The following KIAA2012 variants were observed in gnomAD, a reference collection of about 807,000 sequenced individuals.
The protein encoded by KIAA2012 is uncharacterized protein KIAA2012.
Under a neutral mutation model 150.6 loss-of-function variants are expected in KIAA2012, and 125 were observed. The ratio of observed to expected loss-of-function variants is 0.83; its 90% confidence interval spans 0.72 to 0.96. KIAA2012 has a LOEUF of 0.96. KIAA2012 is among the 40% of genes least tolerant of loss of function. KIAA2012 has a pLI of 0.00. For missense variants in KIAA2012, 1,219 were observed against 1,354.9 expected (o/e 0.90, Z 1.57); for synonymous variants, 462 against 504.7 (o/e 0.92, Z 1.13).
At position 202,126,413 on chromosome 2, in the gene KIAA2012, C is replaced by T. The variant is rs138946491; in HGVS notation, c.1831+1131C>T. Among the ~76,000 whole-genome samples, 366 of 152,328 alleles carry T rather than the reference C, an allele frequency of 2.4e-3. 2 individuals carry two copies. Among genetic ancestry groups the T allele is most frequent in the African/African-American group, 8.0e-3 (334 of 41,568 alleles). ...TGCAAAACTAAGAGAAAAGTCACAACTGTATCCTTGCCAATCTCAAAATCT... is the reference window on the plus strand; with the variant it reads ...TGCAAAACTAAGAGAAAAGTCACAATTGTATCCTTGCCAATCTCAAAATCT... On this transcript the variant is annotated intron_variant, in intron 12 of 23. Coordinates refer to ENST00000498697, the MANE Select transcript of KIAA2012 (RefSeq NM_001277372.4).
At chr2:202,102,739 C>T (rs961866510) in intron 7 of KIAA2012, among the ~76,000 whole-genome samples, 1 of 152,136 alleles carries the variant, frequency 6.6e-6, no homozygotes, top group Non-Finnish European at 1.5e-5. Context: ...TCAGAGGATT[C>T]ACAGGCAGGA....
At chr2:202,101,904 CT>C (rs945499979) in intron 7 of KIAA2012, among the ~76,000 whole-genome samples, 2 of 151,542 alleles carry the variant, frequency 1.3e-5, no homozygotes, top group Non-Finnish European at 1.5e-5. Flanking sequence ...TGCTTCTGAT[CT>C]TTTTTTTTCT....
chr2:202,079,007 C>G (rs938787002), intron 2 of KIAA2012, among the ~76,000 whole-genome samples: 1 of 152,124 alleles, frequency 6.6e-6, no homozygotes, highest in African/African-American at 2.4e-5. Flanking sequence ...ACCAGCCTGG[C>G]TAACATGGTG....
chr2:202,086,427 C>T (rs1161842481), intron 2 of KIAA2012, among the ~76,000 whole-genome samples: 1 of 152,128 alleles, frequency 6.6e-6, no homozygotes. Context: ...CAACACAGTG[C>T]CTGGAATATA....
At chr2:202,179,785 A>G in intron 15 of KIAA2012, 24 of 627,876 alleles carry the variant, frequency 3.8e-5, no homozygotes, top group South Asian at 3.3e-4. Flanking sequence ...AGCAGTGGGA[A>G]AGAACTATGT....
chr2:202,163,295 G>A (rs1311463526), intron 14 of KIAA2012, among the ~76,000 whole-genome samples: 1 of 151,710 alleles, frequency 6.6e-6, no homozygotes, highest in Non-Finnish European at 1.5e-5. Context: ...GTAGATACAG[G>A]TTTTGATCAT....
chr2:202,146,164 T>C (rs556378932), intron 13 of KIAA2012, among the ~76,000 whole-genome samples: 18 of 152,256 alleles, frequency 1.2e-4, no homozygotes, highest in African/African-American at 4.3e-4. Flanking sequence ...AACCGCACTT[T>C]AAAGAGGCCT....
At chr2:202,192,232 C>T (rs1239557982) in intron 19 of KIAA2012, among the ~76,000 whole-genome samples, 1 of 152,132 alleles carries the variant, frequency 6.6e-6, no homozygotes, top group Non-Finnish European at 1.5e-5. Flanking sequence ...AAGCAAGGAG[C>T]TTTTTCTCTG....
intron 9 of KIAA2012, among the ~76,000 whole-genome samples, chr2:202,106,821 T>C (rs895592404): frequency 6.6e-6 from 1 of 152,152 alleles, no homozygotes; most frequent in Non-Finnish European, 1.5e-5. Context: ...GTTGGATAGG[T>C]TGGAAGTAAC....
At chr2:202,093,437 G>A (rs1449733476) in intron 4 of KIAA2012, among the ~76,000 whole-genome samples, 7 of 152,188 alleles carry the variant, frequency 4.6e-5, no homozygotes, top group African/African-American at 1.4e-4. Flanking sequence ...AAATGTAGCA[G>A]TACAACAGTG....
At chr2:202,149,851 T>C (rs1451479400) in intron 13 of KIAA2012, among the ~76,000 whole-genome samples, 2 of 152,098 alleles carry the variant, frequency 1.3e-5, no homozygotes, top group African/African-American at 4.8e-5. Context: ...ATATAACAGT[T>C]GAAAGGAGGA....
At chr2:202,176,601 A>T (rs1417675492) in intron 15 of KIAA2012, among the ~76,000 whole-genome samples, 1 of 152,244 alleles carries the variant, frequency 6.6e-6, no homozygotes, top group Non-Finnish European at 1.5e-5. Context: ...TGTAACCAAC[A>T]AAGCATTAGT....
intron 23 of KIAA2012, among the ~76,000 whole-genome samples, chr2:202,203,293 AATAT>A (rs972759687): frequency 2.0e-5 from 3 of 152,336 alleles, no homozygotes; most frequent in Non-Finnish European, 4.4e-5. Flanking sequence ...TATATATTCA[AATAT>A]ATAAAGAATT....
At chr2:202,155,888 G>A (rs1175741813) in intron 14 of KIAA2012, among the ~76,000 whole-genome samples, 2 of 152,294 alleles carry the variant, frequency 1.3e-5, no homozygotes, top group African/African-American at 4.8e-5. Flanking sequence ...TTCCCCAAGG[G>A]TGGCAAGTTG....
chr2:202,101,030 G>T (rs986664125), intron 7 of KIAA2012, among the ~76,000 whole-genome samples: 1 of 152,142 alleles, frequency 6.6e-6, no homozygotes, highest in South Asian at 2.1e-4. Context: ...GACAAGCAAG[G>T]GCCCCCGGAT....
At chr2:202,091,066 T>C (rs1210598618) in intron 3 of KIAA2012, 137 bp downstream of exon 3, 6 of 1,170,224 alleles carry the variant, frequency 5.1e-6, no homozygotes, top group Middle Eastern at 3.0e-4. Flanking sequence ...TCCCCACGCT[T>C]GGTAGCCCAC....
chr2:202,097,776 G>A (rs1689930910), intron 5 of KIAA2012, among the ~76,000 whole-genome samples, 199 bp downstream of exon 5: 1 of 151,960 alleles, frequency 6.6e-6, no homozygotes, highest in Admixed American at 6.6e-5. Flanking sequence ...TTTTAGTGGA[G>A]ATGGGGTTTC....
Position 202,190,491 on chromosome 2 carries a change from A to G in KIAA2012, c.2809A>G (p.Lys937Glu), listed in dbSNP as rs1692309734. The G allele has an allele frequency of 2.0e-6, 3 of 1,513,050 alleles. No individual in the cohort carries two copies. The highest frequency in any genetic ancestry group is 2.6e-5 in the South Asian group (2 of 78,116). 93.7% of individuals were successfully genotyped at this position (1,513,050 alleles called of 1,614,324 possible). The change falls in exon 19 of 24, where the codon AAG (lysine) becomes GAG (glutamate). Residue 937 changes from lysine to glutamate, a missense_variant and splice_region_variant. By Grantham distance (56) the Lys-to-Glu change is moderately conservative. Coordinates refer to ENST00000498697, the MANE Select transcript of KIAA2012 (RefSeq NM_001277372.4). ...KEERRCEDPS[K>E]ALLTKREQEK... ...AGAGAGAAGATGTGAGGACCCTTCC[A>G]AGGTAGGGTCTGATGTCCTCAGCTT...
At chr2:202,085,440 G>A (rs913496777) in intron 2 of KIAA2012, among the ~76,000 whole-genome samples, 7 of 152,134 alleles carry the variant, frequency 4.6e-5, no homozygotes, top group Non-Finnish European at 7.3e-5. Flanking sequence ...CAGAGAGAGG[G>A]CAGCCTGAGA....
Sources: gnomAD v4.1 joint callset for allele counts (sites outside exome capture counted in the v4.1 genomes callset) on GRCh38, gnomAD v4.1.1 for gene constraint, MANE v1.5 for transcripts, NCBI Gene and HGNC (gene_info 2026-07-23, HGNC 2026-07-21) for gene names.